The following LRMDA variants were observed in gnomAD, a reference collection of about 807,000 sequenced individuals.
LRMDA encodes leucine-rich melanocyte differentiation-associated protein.
Under a neutral mutation model 29.8 loss-of-function variants are expected in LRMDA, and 18 were observed. The ratio of observed to expected loss-of-function variants is 0.60; its 90% CI spans 0.42 to 0.90. The LOEUF (loss-of-function observed/expected upper bound fraction) is 0.90. Among genes scored for constraint, LRMDA ranks in the 40% least tolerant of loss-of-function variants. The pLI is 0.00. For missense variants in LRMDA, 273 were observed against 273.9 expected, an observed-to-expected ratio of 1.00 and a Z score of 0.02; for synonymous variants, 125 against 109.4, an observed-to-expected ratio of 1.14 and a Z score of -0.89.
chr10:75,623,560 T>C (rs1251160134), intron 2 of LRMDA, among the ~76,000 whole-genome samples: 1 of 152,206 alleles, frequency 6.6e-6, no homozygotes, highest in African/African-American at 2.4e-5. Flanking sequence ...CTGCAGGAGC[T>C]CAGCGTTTTC....
At chr10:76,230,078 G>T (rs1023332320) in intron 5 of LRMDA, among the ~76,000 whole-genome samples, 3 of 152,008 alleles carry the variant, frequency 2.0e-5, no homozygotes, top group Non-Finnish European at 4.4e-5. Context: ...TCCTGGTGGG[G>T]TAGGGGTGGG....
At chr10:75,867,205 C>G (rs538112380) in intron 2 of LRMDA, among the ~76,000 whole-genome samples, 4 of 152,230 alleles carry the variant, frequency 2.6e-5, no homozygotes, top group Non-Finnish European at 2.9e-5. Context: ...ACTCTGTTGC[C>G]AGACTGGAGT....
chr10:76,276,641 G>A (rs1242039996), intron 5 of LRMDA, among the ~76,000 whole-genome samples: 1 of 152,048 alleles, frequency 6.6e-6, no homozygotes, highest in Non-Finnish European at 1.5e-5. Context: ...AGCCATATAT[G>A]TGGATTATTT....
chr10:75,622,581 A>G (rs575204099), intron 2 of LRMDA, among the ~76,000 whole-genome samples: 5 of 152,326 alleles, frequency 3.3e-5, no homozygotes, highest in African/African-American at 1.2e-4. Context: ...TTGACCACTG[A>G]AACTAATAAA....
chr10:76,225,277 G>A (rs1365172735), intron 5 of LRMDA, among the ~76,000 whole-genome samples: 1 of 152,010 alleles, frequency 6.6e-6, no homozygotes, highest in Non-Finnish European at 1.5e-5. Context: ...TGGGCGTGGT[G>A]GTGGGCGCCT....
At chr10:76,162,964 G>A (rs1257921999) in intron 5 of LRMDA, among the ~76,000 whole-genome samples, 1 of 152,160 alleles carries the variant, frequency 6.6e-6, no homozygotes, top group African/African-American at 2.4e-5. Flanking sequence ...TTATAGGTCT[G>A]TTGCTATAAT....
intron 6 of LRMDA, among the ~76,000 whole-genome samples, chr10:76,376,007 T>C (rs12250926): frequency 0.11 from 16,401 of 152,086 alleles, 1,012 homozygotes; most frequent in East Asian, 0.3. Context: ...TTTTGGGTTT[T>C]TTTTAATAGA....
chr10:76,000,507 G>A (rs1179918459), intron 2 of LRMDA, among the ~76,000 whole-genome samples: 1 of 152,222 alleles, frequency 6.6e-6, no homozygotes, highest in Non-Finnish European at 1.5e-5. Context: ...CCAGCCTCAT[G>A]CTGGAGAGGC....
In LRMDA at chr10:76,055,705, C is replaced by T. The variant is rs556128233; in HGVS notation, c.399-2961C>T. Among the ~76,000 whole-genome samples the T allele has an allele frequency of 2.2e-4, 34 of 152,228 alleles. 1 individual carries two copies. The highest frequency in any genetic ancestry group is 4.4e-4 in the Non-Finnish European group (30 of 68,038). On this transcript the variant is annotated intron_variant, in intron 4 of 6. Transcript: ENST00000611255. ...GGCATGCTGGAAGCAGCAGGCTGGG[C>T]AGCTCTAGACACTGGCATGGGCACT...
intron 5 of LRMDA, among the ~76,000 whole-genome samples, chr10:76,109,840 C>A (rs1419837576): frequency 6.6e-6 from 1 of 152,156 alleles, no homozygotes; most frequent in African/African-American, 2.4e-5. Context: ...CTTTAGTGAC[C>A]TATGTGGCTT....
intron 2 of LRMDA, among the ~76,000 whole-genome samples, chr10:75,839,279 G>A (rs556224161): frequency 6.6e-6 from 1 of 152,282 alleles, no homozygotes; most frequent in South Asian, 2.1e-4. Flanking sequence ...AGAAGAGAGT[G>A]GAGCAAACAG....
At chr10:75,752,449 G>T (rs1245219768) in intron 2 of LRMDA, among the ~76,000 whole-genome samples, 1 of 152,080 alleles carries the variant, frequency 6.6e-6, no homozygotes, top group Non-Finnish European at 1.5e-5. Context: ...CTGACCTCTT[G>T]ATCCACCCAC....
intron 2 of LRMDA, among the ~76,000 whole-genome samples, chr10:75,657,368 G>T (rs1368881730): frequency 6.6e-6 from 1 of 152,208 alleles, no homozygotes; most frequent in Non-Finnish European, 1.5e-5. Flanking sequence ...AATCAGAGAG[G>T]AGAATGGAAG....
At chr10:75,499,090 C>T (rs943554625) in intron 2 of LRMDA, among the ~76,000 whole-genome samples, 1 of 152,102 alleles carries the variant, frequency 6.6e-6, no homozygotes, top group African/African-American at 2.4e-5. Flanking sequence ...TGGAGACAGC[C>T]TGGAGCCTGG....
chr10:76,173,052 A>C (rs543042835), intron 5 of LRMDA, among the ~76,000 whole-genome samples: 1 of 128,270 alleles, frequency 7.8e-6, no homozygotes, highest in African/African-American at 3.4e-5. Context: ...GAAAGTGTTA[A>C]GAAGATAAAA....
intron 2 of LRMDA, among the ~76,000 whole-genome samples, chr10:75,573,569 T>G (rs1452869800): frequency 1.3e-5 from 2 of 152,314 alleles, no homozygotes; most frequent in East Asian, 3.9e-4. Flanking sequence ...TCTTATATTC[T>G]GTTGAGCCCA....
At chr10:75,858,266 G>A (rs866625709) in intron 2 of LRMDA, among the ~76,000 whole-genome samples, 6 of 152,146 alleles carry the variant, frequency 3.9e-5, no homozygotes, top group Admixed American at 1.3e-4. Flanking sequence ...TGCTAGGCCC[G>A]GTGAAAAGAT....
intron 2 of LRMDA, among the ~76,000 whole-genome samples, chr10:76,028,801 A>G (rs951029623): frequency 6.7e-6 from 1 of 150,306 alleles, no homozygotes; most frequent in Non-Finnish European, 1.5e-5. Flanking sequence ...AGATATTATG[A>G]GAAGCTTATT....
intron 5 of LRMDA, among the ~76,000 whole-genome samples, chr10:76,155,283 A>G (rs1465095655): frequency 6.6e-6 from 1 of 152,156 alleles, no homozygotes; most frequent in Non-Finnish European, 1.5e-5. Context: ...TATTTCAAGG[A>G]TGTGTTGCTA....
Sources: allele counts gnomAD v4.1 joint callset (sites outside exome capture counted in the v4.1 genomes callset), GRCh38; gene constraint gnomAD v4.1.1; transcripts MANE v1.5; gene names NCBI Gene and HGNC (gene_info 2026-07-23, HGNC 2026-07-21).